Variants in GALNT13 observed in about 807,000 individuals in gnomAD.
GALNT13 encodes polypeptide N-acetylgalactosaminyltransferase 13.
GALNT13 carries 28 observed loss-of-function variants against 64.2 expected under a neutral mutation model. That is an observed-to-expected ratio of 0.44 (90% CI 0.32 to 0.60). GALNT13 has a LOEUF of 0.60. Among genes scored for constraint, GALNT13 ranks in the 20% least tolerant of loss-of-function variants. The probability of loss-of-function intolerance (pLI) is 0.05; values close to 1 mark genes in which losing one functional copy is unlikely to be tolerated. For missense variants in GALNT13, 577 were observed against 669.8 expected (o/e 0.86, Z 1.53); for synonymous variants, 214 against 224.6 (o/e 0.95, Z 0.42).
chr2:153,873,798 C>G (rs939182877), intron 1 of GALNT13, among the ~76,000 whole-genome samples: 2 of 152,004 alleles, frequency 1.3e-5, no homozygotes, highest in African/African-American at 4.8e-5. Context: ...GCTGCCTTTC[C>G]TCAGAGTCTC....
At position 154,054,537 on chromosome 2, in the gene GALNT13, A is replaced by G. The variant is rs186068428; in HGVS notation, c.143-85800A>G. Among the ~76,000 whole-genome samples the G allele has an allele frequency of 8.9e-3, 1,348 of 152,160 alleles. 13 individuals are homozygous for G. The highest frequency in any genetic ancestry group is 0.022 in the South Asian group (104 of 4,832). On this transcript the variant is annotated intron_variant, in intron 3 of 12. Coordinates refer to ENST00000392825, the MANE Select transcript of GALNT13 (RefSeq NM_052917.4). ...ACTTAAGAAACCTAAGTTAAATAGG[A>G]AAATGATTATTTTCATTTTAAAAAA...
At chr2:154,119,997 A>C (rs574192217) in intron 3 of GALNT13, among the ~76,000 whole-genome samples, 2 of 152,280 alleles carry the variant, frequency 1.3e-5, no homozygotes, top group South Asian at 2.1e-4. Context: ...CTAATTCCTC[A>C]TAATTCTTGT....
the GALNT13 span, among the ~76,000 whole-genome samples, chr2:153,340,243 A>G: frequency 2.0e-5 from 3 of 152,162 alleles, no homozygotes; most frequent in East Asian, 1.9e-4. Flanking sequence ...GTGTCTTTCT[A>G]TTTATTTGTA....
At chr2:153,371,140 A>C in the GALNT13 span, 10 of 153,854 alleles carry the variant, frequency 6.5e-5, no homozygotes, top group Non-Finnish European at 4.3e-5. Flanking sequence ...AAAATTTAAC[A>C]TCCATTTATG....
chr2:153,777,609 A>G, the GALNT13 span, among the ~76,000 whole-genome samples: 4 of 152,176 alleles, frequency 2.6e-5, no homozygotes, highest in Non-Finnish European at 5.9e-5. Context: ...CCAATGCAGT[A>G]ATGTCAAAAT....
At chr2:153,610,946 A>T in the GALNT13 span, among the ~76,000 whole-genome samples, 1 of 152,324 alleles carries the variant, frequency 6.6e-6, no homozygotes, top group South Asian at 2.1e-4. Flanking sequence ...CAAGAAGCAC[A>T]GTATTAAAAT....
chr2:154,027,675 T>G (rs1306062931), intron 3 of GALNT13, among the ~76,000 whole-genome samples: 1 of 152,138 alleles, frequency 6.6e-6, no homozygotes, highest in Non-Finnish European at 1.5e-5. Flanking sequence ...ATTAAAGTCA[T>G]TCCTAGAGTT....
rs551905132 is a variant in GALNT13 at position 154,437,440 on chromosome 2, T to C, written c.1396-1152T>C. The C allele has an allele frequency of 1.6e-4, 131 of 821,544 alleles. No individual in the cohort carries two copies. In the African/African-American group the frequency reaches 2.3e-3, roughly 14 times the overall value. The allele number at this position is 821,544 out of a possible 1,614,324, so 50.9% of individuals were successfully genotyped here. A position where few individuals can be genotyped will look rare whatever the true frequency, so the allele number is the denominator to read the frequency against. On this transcript the variant is annotated intron_variant, in intron 11 of 12. Coordinates refer to ENST00000392825, the MANE Select transcript of GALNT13 (RefSeq NM_052917.4). ...ATATCTTTGAGAAACAAAAAGACCC[T>C]GACATGACCTTTCTCATTATGTATT... is the stretch of plus-strand genomic sequence containing the variant.
At position 154,145,070 on chromosome 2, in the gene GALNT13, C is replaced by CTCTCTCTATCTA. The variant is rs1197890145; in HGVS notation, c.311+4568_311+4569insCTCTATCTATCT. Among the ~76,000 whole-genome samples, 21 of 136,234 alleles carry CTCTCTCTATCTA rather than the reference C, an allele frequency of 1.5e-4. No individual in the cohort carries two copies. In the East Asian group the frequency reaches 2.6e-3, roughly 17 times the overall value. The allele number at this position is 136,234 out of a possible 152,430, so 89.4% of individuals were successfully genotyped here. The stretch of plus-strand genomic sequence containing the variant: ...TAGTTCTCTCTCTCTCTCTCTCTCT[C>CTCTCTCTATCTA]TCTATCTATCTATCTATCTATCTAT... On this transcript the variant is annotated intron_variant, in intron 4 of 12. Transcript: ENST00000392825.
chr2:153,163,742 G>A, the GALNT13 span, among the ~76,000 whole-genome samples: 3 of 152,230 alleles, frequency 2.0e-5, no homozygotes, highest in South Asian at 2.1e-4. Context: ...CAGGCTGGCC[G>A]GACGCGGAGG....
chr2:153,803,464 G>A, the GALNT13 span, among the ~76,000 whole-genome samples: 4 of 152,024 alleles, frequency 2.6e-5, no homozygotes, highest in African/African-American at 4.8e-5. Flanking sequence ...AGGCCAAGGC[G>A]GGCGGATCAC....
At chr2:153,105,994 T>C in the GALNT13 span, among the ~76,000 whole-genome samples, 1 of 152,174 alleles carries the variant, frequency 6.6e-6, no homozygotes, top group South Asian at 2.1e-4. Flanking sequence ...CATAGAGCTG[T>C]CAAGTCTCTG....
At chr2:153,255,180 T>C in the GALNT13 span, among the ~76,000 whole-genome samples, 1 of 150,004 alleles carries the variant, frequency 6.7e-6, no homozygotes, top group Non-Finnish European at 1.5e-5. Context: ...ATATTTAGGA[T>C]AGTTAGCTCT....
At chr2:153,514,285 G>A in the GALNT13 span, among the ~76,000 whole-genome samples, 6 of 151,964 alleles carry the variant, frequency 3.9e-5, no homozygotes, top group South Asian at 4.2e-4. Context: ...TATTTATTTC[G>A]GTGACTATAT....
the GALNT13 span, among the ~76,000 whole-genome samples, chr2:153,703,279 T>G: frequency 6.6e-6 from 1 of 152,202 alleles, no homozygotes; most frequent in Non-Finnish European, 1.5e-5. Flanking sequence ...TAATCTTAAT[T>G]TTTTAATTTT....
the GALNT13 span, among the ~76,000 whole-genome samples, chr2:153,309,231 C>T: frequency 9.7e-4 from 148 of 152,236 alleles, 1 homozygote; most frequent in African/African-American, 3.5e-3. Flanking sequence ...ACCTCTTCTG[C>T]TTCTAAGACT....
the GALNT13 span, among the ~76,000 whole-genome samples, chr2:153,605,530 T>G: frequency 2.6e-5 from 4 of 152,100 alleles, no homozygotes; most frequent in Non-Finnish European, 5.9e-5. Flanking sequence ...TTAGTAGAAA[T>G]TTTTTCTTTT....
chr2:153,254,518 A>G, the GALNT13 span, among the ~76,000 whole-genome samples: 1 of 152,116 alleles, frequency 6.6e-6, no homozygotes, highest in African/African-American at 2.4e-5. Flanking sequence ...TAGCTTTTGA[A>G]TATGTTTGCC....
At chr2:153,651,077 G>A in the GALNT13 span, among the ~76,000 whole-genome samples, 3 of 152,032 alleles carry the variant, frequency 2.0e-5, no homozygotes, top group African/African-American at 7.2e-5. Flanking sequence ...TTTACTGTAC[G>A]GCATTGTCCC....
Sources: gnomAD v4.1 joint callset for allele counts (sites outside exome capture counted in the v4.1 genomes callset) on GRCh38, gnomAD v4.1.1 for gene constraint, MANE v1.5 for transcripts, NCBI Gene and HGNC (gene_info 2026-07-23, HGNC 2026-07-21) for gene names.